The following DMD variants were observed in gnomAD, a reference collection of about 807,000 sequenced individuals.
DMD encodes mutant dystrophin.
In DMD, 63 loss-of-function variants were observed where a neutral mutation model predicts 330.1. The ratio of observed to expected loss-of-function variants is 0.19; its 90% CI spans 0.16 to 0.24. The LOEUF is 0.24. Among genes scored for constraint, DMD ranks in the 10% least tolerant of loss-of-function variants. The pLI is 1.00. For missense variants in DMD, 3,344 were observed against 2,684.1 expected (o/e 1.25, Z -5.43); for synonymous variants, 1,223 against 959.8 (o/e 1.27, Z -5.07).
intron 40 of DMD, chrX:32,342,560 G>T: frequency 2.9e-6 from 1 of 344,272 alleles, no homozygotes; most frequent in South Asian, 5.0e-5. Flanking sequence ...GGTGTCTTGG[G>T]ATTTGAAACA....
rs556376662 is a variant in DMD, at chrX:33,275,497, C to T, written c.7+63762G>A. ...TTTTTCTATTTAAAAAAGTATATAG[C>T]GTATGTTCATGTATCACTAAAAATC... is the stretch of plus-strand genomic sequence containing the variant. On this transcript the variant is annotated intron_variant, in intron 1 of 17. Coordinates refer to the DMD transcript ENST00000288447. 6.3e-5 allele frequency among the ~76,000 whole-genome samples: 7 copies of T among 111,988 alleles called. No individual in the cohort carries two copies. The South Asian group carries it at 2.2e-3, about 35-fold the overall frequency.
chrX:33,096,167 G>T (rs1213531791), intron 1 of DMD, among the ~76,000 whole-genome samples: 3 of 108,774 alleles, frequency 2.8e-5, no homozygotes, highest in African/African-American at 1.0e-4. Flanking sequence ...GTAGAGACGG[G>T]GTTTCACCAT....
At chrX:32,172,117 T>C (rs1432722049) in intron 44 of DMD, among the ~76,000 whole-genome samples, 1 of 111,982 alleles carries the variant, frequency 8.9e-6, no homozygotes, top group Non-Finnish European at 1.9e-5. Context: ...TTATCAAATA[T>C]GTACTTATTC....
chrX:32,763,851 G>A (rs754627767), intron 7 of DMD, among the ~76,000 whole-genome samples: 9 of 110,978 alleles, frequency 8.1e-5, no homozygotes, highest in Non-Finnish European at 1.5e-4. Flanking sequence ...GAAGCAAAAC[G>A]AAATACTAAG....
intron 29 of DMD, among the ~76,000 whole-genome samples, chrX:32,419,465 G>A (rs2098180675): frequency 8.9e-6 from 1 of 112,237 alleles, no homozygotes; most frequent in Admixed American, 9.4e-5. Flanking sequence ...TGGTACAGTG[G>A]TTTTTCCTGT....
chrX:32,319,194 AG>A (rs1449439386), intron 41 of DMD, among the ~76,000 whole-genome samples: 1 of 111,603 alleles, frequency 9.0e-6, no homozygotes, highest in Non-Finnish European at 1.9e-5. Flanking sequence ...GAGAAGAGAA[AG>A]AAAAGGGCTT....
chrX:32,849,994 A>G (rs1284904920), intron 2 of DMD, among the ~76,000 whole-genome samples, 174 bp from the exon 3 acceptor site: 1 of 112,075 alleles, frequency 8.9e-6, no homozygotes, highest in Admixed American at 9.5e-5. Flanking sequence ...AAAAATTTAA[A>G]AATTTTATCA....
At chrX:32,302,244 T>C (rs905248371) in intron 42 of DMD, among the ~76,000 whole-genome samples, 1 of 111,404 alleles carries the variant, frequency 9.0e-6, no homozygotes. Flanking sequence ...TTGTGTTCTA[T>C]GACTTTGCGC....
intron 7 of DMD, among the ~76,000 whole-genome samples, chrX:32,777,166 A>AT (rs1247109991): frequency 9.7e-6 from 1 of 103,116 alleles, no homozygotes; most frequent in Non-Finnish European, 2.0e-5. Context: ...GATTAGCTGG[A>AT]TTTCTAGGTC....
chrX:31,351,720 C>A (rs1375066703), intron 60 of DMD, among the ~76,000 whole-genome samples: 1 of 35,075 alleles, frequency 2.9e-5, no homozygotes, highest in Non-Finnish European at 4.9e-5. Context: ...AACAAGACTC[C>A]ATCTCAAAAA....
intron 1 of DMD, among the ~76,000 whole-genome samples, chrX:33,315,495 G>A (rs1055534410): frequency 8.9e-6 from 1 of 111,963 alleles, no homozygotes; most frequent in East Asian, 2.8e-4. Flanking sequence ...GCAACTTTTC[G>A]TTGGCAATAC....
At chrX:32,358,763 C>A (rs1286946178) in intron 37 of DMD, among the ~76,000 whole-genome samples, 1 of 111,070 alleles carries the variant, frequency 9.0e-6, no homozygotes, top group African/African-American at 3.3e-5. Context: ...ATCAGCAATT[C>A]TTTCATTTTT....
chrX:32,619,779 G>A (rs1486205833), intron 11 of DMD, among the ~76,000 whole-genome samples: 1 of 111,333 alleles, frequency 9.0e-6, no homozygotes, highest in African/African-American at 3.3e-5. Flanking sequence ...AATAATAAAC[G>A]ATAGTGAAGG....
intron 42 of DMD, among the ~76,000 whole-genome samples, chrX:32,301,847 T>C (rs2097524803): frequency 9.0e-6 from 1 of 110,843 alleles, no homozygotes; most frequent in Non-Finnish European, 1.9e-5. Context: ...AAAAAATAAA[T>C]CAACACATTT....
chrX:33,311,847 G>T (rs936093165), intron 1 of DMD, among the ~76,000 whole-genome samples: 2 of 110,196 alleles, frequency 1.8e-5, no homozygotes, highest in Non-Finnish European at 3.8e-5. Flanking sequence ...CATTACCATG[G>T]CTAGCATAAT....
intron 55 of DMD, among the ~76,000 whole-genome samples, chrX:31,520,732 T>G (rs2147339400): frequency 9.0e-6 from 1 of 110,636 alleles, no homozygotes; most frequent in Admixed American, 9.6e-5. Flanking sequence ...CAGGCTGGAG[T>G]GCAGTGGCGC....
At chrX:32,949,326 A>ATAGGTAGG (rs1246963206) in intron 2 of DMD, among the ~76,000 whole-genome samples, 1,742 of 96,930 alleles carry the variant, frequency 0.018, 20 homozygotes, top group Non-Finnish European at 0.027. Flanking sequence ...GATAGATTAG[A>ATAGGTAGG]TAGGTAGGTA....
At chrX:32,876,474 TCCA>T (rs986891277) in intron 2 of DMD, among the ~76,000 whole-genome samples, 29 of 111,810 alleles carry the variant, frequency 2.6e-4, no homozygotes, top group Admixed American at 9.5e-5. Flanking sequence ...AGCCTTCCAC[TCCA>T]CCAACACCTT....
At chrX:33,166,667 T>C (rs1316417058) in intron 1 of DMD, among the ~76,000 whole-genome samples, 3 of 110,930 alleles carry the variant, frequency 2.7e-5, no homozygotes, top group Non-Finnish European at 5.7e-5. Context: ...GCTTCTTCTA[T>C]AATTTCTCCT....
Sources: gnomAD v4.1 joint callset for allele counts (sites outside exome capture counted in the v4.1 genomes callset) on GRCh38, gnomAD v4.1.1 for gene constraint, MANE v1.5 for transcripts, NCBI Gene and HGNC (gene_info 2026-07-23, HGNC 2026-07-21) for gene names.